COL6A6: variants seen among roughly 807,000 people sequenced by gnomAD.
The protein encoded by COL6A6 is collagen alpha-6(VI) chain.
In COL6A6, 183 loss-of-function variants were observed where a neutral mutation model predicts 208.6. The observed-to-expected ratio is 0.88, with a 90% CI of 0.78 to 0.99. The LOEUF (loss-of-function observed/expected upper bound fraction) is 0.99, where lower values mean the gene tolerates loss of function less well. Ranked by LOEUF, COL6A6 falls within the 50% of genes least tolerant of loss-of-function variation. The pLI is 0.00. For synonymous variants in COL6A6, 973 were observed against 1,011.8 expected, an observed-to-expected ratio of 0.96 and a Z score of 0.73; for missense variants, 2,816 against 2,815.2, an observed-to-expected ratio of 1.00 and a Z score of -0.01.
intron 1 of COL6A6, among the ~76,000 whole-genome samples, chr3:130,539,896 C>A (rs2062319883): frequency 6.6e-6 from 1 of 152,184 alleles, no homozygotes; most frequent in South Asian, 2.1e-4. Context: ...GTATTTAATT[C>A]TAAAAATTTT....
At chr3:130,544,182 C>CA (rs1370241334) in intron 1 of COL6A6, among the ~76,000 whole-genome samples, 2 of 152,172 alleles carry the variant, frequency 1.3e-5, no homozygotes, top group Non-Finnish European at 2.9e-5. Context: ...CAGTAATCAC[C>CA]ATGTCATTCT....
chr3:130,571,488 G>A, intron 7 of COL6A6, 95 bp downstream of exon 7: 1 of 834,312 alleles, frequency 1.2e-6, no homozygotes, highest in Non-Finnish European at 1.8e-6. Flanking sequence ...GTTTTCCAGA[G>A]AGGAGAGAAG....
At chr3:130,665,239 C>A (rs182801351) in intron 36 of COL6A6, 143 bp downstream of exon 36, 6,437 of 555,426 alleles carry the variant, frequency 0.012, 53 homozygotes, top group Middle Eastern at 0.02. Flanking sequence ...AAATATAATT[C>A]GAAGGAACAA....
At chr3:130,530,004 G>A (rs187622174) in intron 1 of COL6A6, among the ~76,000 whole-genome samples, 6 of 152,290 alleles carry the variant, frequency 3.9e-5, no homozygotes, top group Admixed American at 3.3e-4. Flanking sequence ...TGTTTGATAT[G>A]CAAATCCTGA....
intron 3 of COL6A6, among the ~76,000 whole-genome samples, chr3:130,564,369 G>C (rs1203938699): frequency 6.6e-6 from 1 of 152,244 alleles, no homozygotes; most frequent in African/African-American, 2.4e-5. Context: ...CATCATTCAA[G>C]TGAAGGGCAG....
intron 13 of COL6A6, among the ~76,000 whole-genome samples, chr3:130,591,905 A>G (rs569512267): frequency 6.6e-6 from 1 of 152,206 alleles, no homozygotes; most frequent in African/African-American, 2.4e-5. Context: ...GAATTTCTAC[A>G]GGCAAAGTTT....
At chr3:130,624,948 A>G (rs935143475) in intron 24 of COL6A6, among the ~76,000 whole-genome samples, 2 of 152,196 alleles carry the variant, frequency 1.3e-5, no homozygotes, top group African/African-American at 2.4e-5. Flanking sequence ...GACTCTACCA[A>G]TAACCAAGCA....
intron 10 of COL6A6, 47 bp from the exon 11 acceptor site, chr3:130,586,459 G>A: frequency 6.5e-7 from 1 of 1,544,312 alleles, no homozygotes; most frequent in Non-Finnish European, 8.7e-7. Flanking sequence ...AAAAACTAAA[G>A]TAACCAAACC....
chr3:130,590,612 GGCTGGAGT>G (rs937366590), intron 12 of COL6A6, among the ~76,000 whole-genome samples: 1 of 151,800 alleles, frequency 6.6e-6, no homozygotes, highest in Non-Finnish European at 1.5e-5. Context: ...CTGCCGCCCA[GGCTGGAGT>G]GCAGTGGTGC....
At chr3:130,598,093 T>A (rs1214043977) in intron 18 of COL6A6, among the ~76,000 whole-genome samples, 2 of 152,132 alleles carry the variant, frequency 1.3e-5, no homozygotes, top group Non-Finnish European at 2.9e-5. Context: ...TGCACATAAT[T>A]CACATCACCC....
chr3:130,611,208 G>C (rs78719860), intron 23 of COL6A6, among the ~76,000 whole-genome samples: 1 of 152,146 alleles, frequency 6.6e-6, no homozygotes, highest in East Asian at 1.9e-4. Context: ...GGGAATGACT[G>C]CTCTGCATTA....
chr3:130,569,240 T>C (rs928330090), intron 6 of COL6A6, among the ~76,000 whole-genome samples: 2 of 152,246 alleles, frequency 1.3e-5, no homozygotes, highest in African/African-American at 4.8e-5. Context: ...AATGAGGTGA[T>C]GTTTGCGAAA....
At position 130,599,761 on chromosome 3, in the gene COL6A6, G is replaced by A. The variant is rs2108132011; in HGVS notation, c.4604G>A (p.Arg1535Lys). ...GLKGERGRQG[R>K]RGWPGPPGTP... ...ATCTGTCTGTTCCTTTGACAGGGCA[G>A]AAGAGGCTGGCCAGGCCCCCCCGGG... Residue 1535 changes from arginine (R) to lysine (K), a missense_variant, in exon 20 of 37, where the codon AGA becomes AAA. Coordinates refer to ENST00000358511, the MANE Select transcript of COL6A6 (RefSeq NM_001102608.3). The A allele has an allele frequency of 6.2e-7, 1 of 1,613,730 alleles. No homozygotes were observed. Among genetic ancestry groups the A allele is most frequent in the African/African-American group, 1.3e-5 (1 of 75,044 alleles).
intron 1 of COL6A6, among the ~76,000 whole-genome samples, chr3:130,545,874 C>T (rs1283361545): frequency 1.3e-5 from 2 of 152,162 alleles, no homozygotes; most frequent in Non-Finnish European, 2.9e-5. Flanking sequence ...GATCTGGTGT[C>T]TGACATTGAT....
chr3:130,568,650 G>T, intron 6 of COL6A6, 46 bp downstream of exon 6: 1 of 1,448,496 alleles, frequency 6.9e-7, no homozygotes, highest in Non-Finnish European at 9.3e-7. Flanking sequence ...AACAACAGAT[G>T]TCTTTTTTAG....
intron 33 of COL6A6, among the ~76,000 whole-genome samples, chr3:130,652,419 C>T (rs966457322): frequency 3.9e-5 from 6 of 152,176 alleles, no homozygotes; most frequent in Admixed American, 6.5e-5. Context: ...CTCAGGAACT[C>T]GGACTTGCTA....
At chr3:130,658,051 G>C (rs1221701336) in intron 33 of COL6A6, among the ~76,000 whole-genome samples, 1 of 152,128 alleles carries the variant, frequency 6.6e-6, no homozygotes, top group African/African-American at 2.4e-5. Context: ...GGAAAGGGTT[G>C]GGAGTTGTTC....
chr3:130,547,957 C>T (rs2062556571), intron 1 of COL6A6, among the ~76,000 whole-genome samples: 1 of 152,204 alleles, frequency 6.6e-6, no homozygotes, highest in Admixed American at 6.5e-5. Context: ...GCCATCATGT[C>T]TGACTAAATT....
rs2062987970 is a variant in COL6A6 at position 130,565,238 on chromosome 3, A to G, written c.906A>G (p.Arg302=). Residue 302 remains arginine (R), a synonymous_variant, in exon 4 of 37, where the codon CGA becomes CGG. Transcript: ENST00000358511. ...AGCATATACAGAACCTTTCTCCCCG[A>G]ACTGGGAAGGCCTATACTGGAGCTG... ...VLQHIQNLSP[R]TGKAYTGAAI... 6.2e-7 allele frequency: 1 copy of G among 1,613,860 alleles called. No individual in the cohort carries two copies. The highest frequency in any genetic ancestry group is 1.7e-5 in the Admixed American group (1 of 60,002).
Sources: gnomAD v4.1 joint callset for allele counts (sites outside exome capture counted in the v4.1 genomes callset) on GRCh38, gnomAD v4.1.1 for gene constraint, MANE v1.5 for transcripts, NCBI Gene and HGNC (gene_info 2026-07-23, HGNC 2026-07-21) for gene names.